DGKE: variants seen among roughly 807,000 people sequenced by gnomAD.
DGKE encodes the protein diacylglycerol kinase epsilon, also known as DAG kinase epsilon.
Under a neutral mutation model 70.0 loss-of-function variants are expected in DGKE, and 53 were observed. That is an observed-to-expected ratio of 0.76 (90% confidence interval 0.61 to 0.95). The LOEUF (loss-of-function observed/expected upper bound fraction) is 0.95, where lower values mean the gene tolerates loss of function less well. DGKE is among the 40% of genes least tolerant of loss of function. The pLI, the probability that DGKE is intolerant of heterozygous loss-of-function variation, is 0.00. For synonymous variants in DGKE, 291 were observed against 257.0 expected (o/e 1.13, Z -1.27); for missense variants, 655 against 706.9 (o/e 0.93, Z 0.83).
At position 56,864,422 on chromosome 17, in the gene DGKE, G is replaced by C. The variant is rs751407024; in HGVS notation, c.*1631G>C. 3.3e-5 allele frequency: 5 copies of C among 152,160 alleles called. No individual in the cohort carries two copies. The highest frequency in any genetic ancestry group is 6.5e-5 in the Admixed American group (1 of 15,280). The allele number at this position is 152,160 out of a possible 1,614,324, so 9.4% of individuals were successfully genotyped here. Reference sequence around the variant, plus strand: ...AAAGAGCAACTTAGTAATGTATACAGTAGTCAGTACATTTTATGAAATACT... The same window carrying C: ...AAAGAGCAACTTAGTAATGTATACACTAGTCAGTACATTTTATGAAATACT... On this transcript the variant is annotated 3_prime_UTR_variant, in exon 12 of 12. Transcript: ENST00000284061.
At chr17:56,834,590 C>T (rs1277755255) in intron 1 of DGKE, among the ~76,000 whole-genome samples, 188 bp from the exon 2 acceptor site, 2 of 152,102 alleles carry the variant, frequency 1.3e-5, no homozygotes, top group Non-Finnish European at 2.9e-5. Flanking sequence ...GGGATTGGAG[C>T]GTGATGGCTG....
Position 56,867,649 on chromosome 17 carries a change from A to G in DGKE, c.*4858A>G, listed in dbSNP as rs1908582156. On this transcript the variant is annotated 3_prime_UTR_variant, in exon 12 of 12. Coordinates refer to ENST00000284061, the MANE Select transcript of DGKE (RefSeq NM_003647.3). ...GGTGGCTCACGCCTGTAATCCCAGC[A>G]CTTTGGGAGGCTGAGGCAGGTGGAT... 6.6e-6 allele frequency: 1 copy of G among 152,204 alleles called. No individual in the cohort carries two copies. The highest frequency in any genetic ancestry group is 1.5e-5 in the Non-Finnish European group (1 of 68,404). The allele number at this position is 152,204 out of a possible 1,614,324, so 9.4% of individuals were successfully genotyped here.
chr17:56,834,830 C>T lies in DGKE; in HGVS notation c.35C>T (p.Pro12Leu), dbSNP rs146866423. ...GAGAGGCGGCCGGCGCCGGGCTCGC[C>T]CTCCGAGGGCCTGTTTGCGGACGGG... ...EAERRPAPGS[P>L]SEGLFADGHL... is the part of the protein sequence containing the mutation. Residue 12 changes from proline (P) to leucine (L), a missense_variant, in exon 2 of 12, where the codon CCC becomes CTC. Transcript: ENST00000284061. 6.8e-3 allele frequency: 10,990 copies of T among 1,608,714 alleles called. 35 individuals carry two copies. The highest frequency in any genetic ancestry group is 8.4e-3 in the Non-Finnish European group (9,890 of 1,178,034).
At chr17:56,844,782 AT>A (rs1270732161) in intron 3 of DGKE, among the ~76,000 whole-genome samples, 1 of 152,198 alleles carries the variant, frequency 6.6e-6, no homozygotes, top group Non-Finnish European at 1.5e-5. Flanking sequence ...AGATGTAGAT[AT>A]GTGTATGAAA....
At chr17:56,843,206 A>G (rs1907089363) in intron 2 of DGKE, among the ~76,000 whole-genome samples, 1 of 152,238 alleles carries the variant, frequency 6.6e-6, no homozygotes, top group South Asian at 2.1e-4. Flanking sequence ...GATATTTACC[A>G]TGTCATAAAT....
chr17:56,862,579 G>A, intron 11 of DGKE, 33 bp from the exon 12 acceptor site: 1 of 1,465,672 alleles, frequency 6.8e-7, no homozygotes, highest in Non-Finnish European at 9.0e-7. Context: ...TGGGGGGACT[G>A]ACTTTTAAAC....
chr17:56,839,391 C>A (rs1422213986), intron 2 of DGKE, among the ~76,000 whole-genome samples: 1 of 152,204 alleles, frequency 6.6e-6, no homozygotes, highest in Non-Finnish European at 1.5e-5. Context: ...AATGTCTTAT[C>A]TTCCCAGTGA....
At chr17:56,861,643 G>A in intron 9 of DGKE, 148 bp from the exon 10 acceptor site, 1 of 932,780 alleles carries the variant, frequency 1.1e-6, no homozygotes, top group Non-Finnish European at 1.6e-6. Context: ...AAGGGCAGAT[G>A]AGAGGCCCTG....
At chr17:56,844,332 A>G (rs1279129651) in intron 3 of DGKE, among the ~76,000 whole-genome samples, 154 bp downstream of exon 3, 1 of 152,234 alleles carries the variant, frequency 6.6e-6, no homozygotes, top group Non-Finnish European at 1.5e-5. Flanking sequence ...ATAAAATGCT[A>G]TTATGGTAAG....
chr17:56,856,111 G>A (rs769537973), intron 7 of DGKE, among the ~76,000 whole-genome samples: 4 of 151,914 alleles, frequency 2.6e-5, no homozygotes, highest in Admixed American at 6.6e-5. Context: ...AATCCAGGCC[G>A]CACTGGGAAG....
rs1443269362 is a variant in DGKE at position 56,863,251 on chromosome 17, ATCC to A, written c.*465_*467del. On this transcript the variant is annotated 3_prime_UTR_variant, in exon 12 of 12. Coordinates refer to ENST00000284061, the MANE Select transcript of DGKE (RefSeq NM_003647.3). ...CAAACCAGCATGGTTAATTGTGAGC[ATCC>A]TCCTGCAGCATGCCCCTTAAGATTT... The A allele has an allele frequency of 6.6e-6, 1 of 152,486 alleles. No individual in the cohort carries two copies. The highest frequency in any genetic ancestry group is 2.4e-5 in the African/African-American group (1 of 41,474). 9.4% of individuals were successfully genotyped at this position (152,486 alleles called of 1,614,324 possible).
At chr17:56,854,351 C>T (rs1907823006) in intron 7 of DGKE, among the ~76,000 whole-genome samples, 1 of 151,790 alleles carries the variant, frequency 6.6e-6, no homozygotes, top group Non-Finnish European at 1.5e-5. Flanking sequence ...GACGGGGTCT[C>T]ATTTGACCAT....
intron 1 of DGKE, among the ~76,000 whole-genome samples, chr17:56,834,566 C>T (rs1221545494): frequency 6.6e-6 from 1 of 152,048 alleles, no homozygotes; most frequent in Non-Finnish European, 1.5e-5. Flanking sequence ...CGAGGTGGGG[C>T]GGGTTGGGGA....
Position 56,835,147 on chromosome 17 carries a change from A to G in DGKE, c.352A>G (p.Lys118Glu). 6.2e-7 allele frequency: 1 copy of G among 1,614,038 alleles called. No homozygotes were observed. The highest frequency in any genetic ancestry group is 8.5e-7 in the Non-Finnish European group (1 of 1,180,036). The change falls in exon 2 of 12, where the codon AAG (lysine) becomes GAG (glutamate). Residue 118 changes from lysine to glutamate, a missense_variant. Physicochemically the swap from Lys to Glu is moderately conservative, Grantham distance 56. Coordinates refer to ENST00000284061, the MANE Select transcript of DGKE (RefSeq NM_003647.3). ...CKEIMLKNDT[K>E]VLDAMPHHWI... is the part of the protein sequence containing the mutation. ...GGAGATTATGCTCAAGAATGACACC[A>G]AGGTCCTGGACGCCATGCCCCACCA...
chr17:56,838,683 T>TC (rs1598016797), intron 2 of DGKE: 2 of 151,672 alleles, frequency 1.3e-5, no homozygotes, highest in East Asian at 3.9e-4. Context: ...GTTAAACCTT[T>TC]TTTTTTTCTA....
intron 6 of DGKE, 108 bp downstream of exon 6, chr17:56,848,961 A>C (rs745760769): frequency 6.8e-7 from 1 of 1,481,458 alleles, no homozygotes; most frequent in Non-Finnish European, 9.2e-7. Flanking sequence ...AATGTGAAAG[A>C]CTATACTAGT....
Position 56,844,117 on chromosome 17 carries a change from C to G in DGKE, c.563C>G (p.Pro188Arg). ...GGAGAATTCAAAAACCTAATCATTCCACCAAGTTATTTAACATCCATTAAT... is the reference window on the plus strand; with the variant it reads ...GGAGAATTCAAAAACCTAATCATTCGACCAAGTTATTTAACATCCATTAAT... ...DFGEFKNLII[P>R]PSYLTSINQM... The change falls in exon 3 of 12, where the codon CCA becomes CGA. Residue 188 changes from proline to arginine, a missense_variant. Physicochemically the swap from Pro to Arg is moderately radical, Grantham distance 103. Transcript: ENST00000284061. The G allele has an allele frequency of 6.3e-7, 1 of 1,584,718 alleles. No homozygotes were observed. Among genetic ancestry groups the G allele is most frequent in the Non-Finnish European group, 8.6e-7 (1 of 1,169,120 alleles).
In DGKE at chr17:56,840,791, G is replaced by T. The variant is rs187028547; in HGVS notation, c.465-3228G>T. ...TGTAACTATGACAACTGAACTGGGA[G>T]GGGGGGGAATAACTATAGGTGAATA... On this transcript the variant is annotated intron_variant, in intron 2 of 11. Coordinates refer to ENST00000284061, the MANE Select transcript of DGKE (RefSeq NM_003647.3). Among the ~76,000 whole-genome samples, 183 of 151,930 alleles carry T rather than the reference G, an allele frequency of 1.2e-3. 1 individual carries two copies. The highest frequency in any genetic ancestry group is 3.1e-3 in the South Asian group (15 of 4,790).
In DGKE at chr17:56,848,723, GC is replaced by G; in HGVS notation, c.917del (p.Ala306GlufsTer34). The G allele has an allele frequency of 6.2e-7, 1 of 1,614,086 alleles. No individual in the cohort carries two copies. Among genetic ancestry groups the G allele is most frequent in the Non-Finnish European group, 8.5e-7 (1 of 1,179,996 alleles). On this transcript the variant is annotated frameshift_variant, in exon 6 of 12. Transcript: ENST00000284061. LOFTEE classifies it high-confidence loss of function. ...ACAAGAAAAGTACATTCCACAAGTT[GC>G]AGTTTTGCCTCTGGGAACAGGCAAC... The part of the protein sequence containing the change: ...KGQEKYIPQV[A>X]VLPLGTGNDL...
Sources: gnomAD v4.1 joint callset for allele counts (sites outside exome capture counted in the v4.1 genomes callset) on GRCh38, gnomAD v4.1.1 for gene constraint, MANE v1.5 for transcripts, NCBI Gene and HGNC (gene_info 2026-07-23, HGNC 2026-07-21) for gene names.